Variants in SLC26A7 observed in about 807,000 individuals in gnomAD.
SLC26A7 encodes solute carrier family 26 member 7, also known as anion exchange transporter.
A neutral mutation model predicts 82.5 loss-of-function variants in SLC26A7; 59 were observed. The ratio of observed to expected loss-of-function variants is 0.72; its 90% CI spans 0.58 to 0.89. The LOEUF is 0.89. Ranked by LOEUF, SLC26A7 falls within the 40% of genes least tolerant of loss-of-function variation. The probability of loss-of-function intolerance (pLI) is 0.00; values close to 1 mark genes in which losing one functional copy is unlikely to be tolerated. For missense variants in SLC26A7, 820 were observed against 793.0 expected (o/e 1.03, Z -0.41); for synonymous variants, 271 against 274.3 (o/e 0.99, Z 0.12).
chr8:91,293,799 A>T (rs1409153626), intron 3 of SLC26A7, among the ~76,000 whole-genome samples: 1 of 152,192 alleles, frequency 6.6e-6, no homozygotes, highest in Non-Finnish European at 1.5e-5. Flanking sequence ...TCTGTGCTCT[A>T]GGAGATTTAG....
chr8:91,293,659 GTT>G (rs1420376183), intron 3 of SLC26A7, among the ~76,000 whole-genome samples: 1 of 152,132 alleles, frequency 6.6e-6, no homozygotes, highest in African/African-American at 2.4e-5. Context: ...CTCTTTTACT[GTT>G]CGATTCCTTC....
chr8:91,280,829 C>G (rs901660815), intron 2 of SLC26A7, among the ~76,000 whole-genome samples: 4 of 152,196 alleles, frequency 2.6e-5, no homozygotes, highest in African/African-American at 9.7e-5. Context: ...GTTCTGTGCT[C>G]AAGCCTCAGG....
chr8:91,270,830 A>G (rs538281594), intron 2 of SLC26A7, among the ~76,000 whole-genome samples: 4 of 152,186 alleles, frequency 2.6e-5, no homozygotes, highest in Non-Finnish European at 4.4e-5. Flanking sequence ...ATTTACCAGC[A>G]TCATCTTAAC....
chr8:91,383,629 A>G (rs1302331078), intron 15 of SLC26A7, among the ~76,000 whole-genome samples: 2 of 152,122 alleles, frequency 1.3e-5, no homozygotes, highest in Admixed American at 1.3e-4. Context: ...TAAAAATACA[A>G]ATTTCTCAAT....
chr8:91,389,809 G>A (rs1378085346), intron 16 of SLC26A7, among the ~76,000 whole-genome samples: 1 of 152,166 alleles, frequency 6.6e-6, no homozygotes, highest in East Asian at 1.9e-4. Context: ...CCTTGATGAT[G>A]GCAGGAGGTT....
chr8:91,342,448 A>G (rs1813446884), intron 8 of SLC26A7, among the ~76,000 whole-genome samples: 1 of 152,224 alleles, frequency 6.6e-6, no homozygotes, highest in East Asian at 1.9e-4. Context: ...GGAATTTGCA[A>G]TAATCCAAGT....
chr8:91,382,560 A>T (rs1814696705), intron 15 of SLC26A7, among the ~76,000 whole-genome samples: 3 of 152,180 alleles, frequency 2.0e-5, no homozygotes, highest in African/African-American at 2.4e-5. Context: ...AGTCAACTAG[A>T]TCTGTATGGA....
chr8:91,210,352 A>G (rs1054114407), intron 1 of SLC26A7, among the ~76,000 whole-genome samples: 1 of 152,208 alleles, frequency 6.6e-6, no homozygotes, highest in Non-Finnish European at 1.5e-5. Context: ...ATTTTGAATC[A>G]TAAGAGAAAG....
At chr8:91,301,799 G>T (rs1812173673) in intron 4 of SLC26A7, among the ~76,000 whole-genome samples, 1 of 144,742 alleles carries the variant, frequency 6.9e-6, no homozygotes, top group Non-Finnish European at 1.5e-5. Context: ...CAATTTACTT[G>T]TTATTTTTTT....
chr8:91,339,573 T>G (rs1048543907), intron 7 of SLC26A7, among the ~76,000 whole-genome samples: 4 of 152,128 alleles, frequency 2.6e-5, no homozygotes, highest in African/African-American at 9.7e-5. Context: ...ACTTACATAC[T>G]GGGTTTTAAA....
chr8:91,230,839 A>G lies in SLC26A7; in HGVS notation c.-34+11834A>G, dbSNP rs149425013. On this transcript the variant is annotated intron_variant, in intron 2 of 5. Transcript: ENST00000522862. ...AACACGGAAGATGAATTAAGAGGGT[A>G]TAATCAAGCAAGGAGGAAAAAGACC... 2.6e-3 allele frequency among the ~76,000 whole-genome samples: 398 copies of G among 152,330 alleles called. 1 individual carries two copies. Among genetic ancestry groups the G allele is most frequent in the African/African-American group, 9.3e-3 (387 of 41,574 alleles).
At chr8:91,259,776 A>G (rs1441918907) in intron 2 of SLC26A7, among the ~76,000 whole-genome samples, 1 of 152,116 alleles carries the variant, frequency 6.6e-6, no homozygotes, top group Non-Finnish European at 1.5e-5. Flanking sequence ...GGTTTAGTTC[A>G]GTAATTCTCA....
At chr8:91,320,184 C>A (rs907624590) in intron 5 of SLC26A7, among the ~76,000 whole-genome samples, 4 of 151,890 alleles carry the variant, frequency 2.6e-5, no homozygotes, top group African/African-American at 9.7e-5. Context: ...TGCCTCAGCC[C>A]CCTGAGTAGC....
At chr8:91,307,606 A>G (rs1383993073) in intron 4 of SLC26A7, among the ~76,000 whole-genome samples, 5 of 135,066 alleles carry the variant, frequency 3.7e-5, no homozygotes, top group Non-Finnish European at 6.3e-5. Context: ...CAATGAGATC[A>G]CATGGACACA....
chr8:91,352,955 C>G lies in SLC26A7; in HGVS notation c.1273C>G (p.Arg425Gly). 1 of 1,607,184 alleles carries G rather than the reference C, an allele frequency of 6.2e-7. No homozygotes were observed. Among genetic ancestry groups the G allele is most frequent in the Non-Finnish European group, 8.5e-7 (1 of 1,176,730 alleles). ...VGLKGMLIQFRDLKKYWNVDK... is the reference protein window; with the variant it reads ...VGLKGMLIQFGDLKKYWNVDK... ...ACTGAAGGGAATGCTAATACAGTTCCGAGATTTAAAAAAATATTGGAATGT... is the reference window on the plus strand; with the variant it reads ...ACTGAAGGGAATGCTAATACAGTTCGGAGATTTAAAAAAATATTGGAATGT... The change falls in exon 11 of 19, where the codon CGA becomes GGA. Residue 425 changes from arginine to glycine, a missense_variant. Transcript: ENST00000276609.
At chr8:91,357,100 T>C (rs1813891836) in intron 11 of SLC26A7, 1 of 152,220 alleles carries the variant, frequency 6.6e-6, no homozygotes, top group African/African-American at 2.4e-5. Context: ...TCTACAGTCA[T>C]CTGGTATCAA....
intron 5 of SLC26A7, among the ~76,000 whole-genome samples, chr8:91,332,441 A>ATTC (rs1813115786): frequency 7.1e-6 from 1 of 141,308 alleles, no homozygotes; most frequent in Non-Finnish European, 1.5e-5. Flanking sequence ...ATATTTAATT[A>ATTC]ATATATATTG....
intron 11 of SLC26A7, among the ~76,000 whole-genome samples, chr8:91,361,283 G>T (rs140963090): frequency 6.6e-6 from 1 of 152,184 alleles, no homozygotes; most frequent in African/African-American, 2.4e-5. Context: ...GAGCCCTTTA[G>T]AAATATTTAT....
At chr8:91,271,671 T>G (rs1301409803) in intron 2 of SLC26A7, among the ~76,000 whole-genome samples, 2 of 148,974 alleles carry the variant, frequency 1.3e-5, no homozygotes, top group Admixed American at 1.4e-4. Context: ...CTTGGCTCAC[T>G]GGAAGTTCTG....
Sources: allele counts gnomAD v4.1 joint callset (sites outside exome capture counted in the v4.1 genomes callset), GRCh38; gene constraint gnomAD v4.1.1; transcripts MANE v1.5; gene names NCBI Gene and HGNC (gene_info 2026-07-23, HGNC 2026-07-21).